The following KALRN variants were observed in gnomAD, a reference collection of about 807,000 sequenced individuals.
KALRN encodes the protein kalirin.
KALRN carries 70 observed loss-of-function variants against 353.7 expected under a neutral mutation model. The observed-to-expected ratio is 0.20, with a 90% CI of 0.16 to 0.24. The LOEUF (loss-of-function observed/expected upper bound fraction) is 0.24. KALRN is among the 10% of genes least tolerant of loss of function. KALRN has a pLI of 1.00. For synonymous variants in KALRN, 1,391 were observed against 1,434.8 expected, an observed-to-expected ratio of 0.97 and a Z score of 0.69; for missense variants, 2,791 against 3,756.7, an observed-to-expected ratio of 0.74 and a Z score of 6.72.
intron 10 of KALRN, among the ~76,000 whole-genome samples, chr3:124,357,265 T>C (rs998317675): frequency 1.7e-4 from 26 of 152,362 alleles, no homozygotes; most frequent in Non-Finnish European, 2.4e-4. Context: ...TTGCTTGGAA[T>C]ACTGCAATAT....
At chr3:124,607,816 G>T (rs2077508627) in intron 34 of KALRN, among the ~76,000 whole-genome samples, 1 of 151,866 alleles carries the variant, frequency 6.6e-6, no homozygotes, top group African/African-American at 2.4e-5. Flanking sequence ...CGTTGACCAG[G>T]CTGATCTCAA....
rs1439288201 is a variant in KALRN at position 124,223,619 on chromosome 3, C to T, written c.74-4371C>T. On this transcript the variant is annotated intron_variant, in intron 1 of 59. Coordinates refer to ENST00000682506, the MANE Select transcript of KALRN (RefSeq NM_001388419.1). ...TGAACCTCCAATGCTCTATAAACGCCCACTCTGTTGTTTGTTTCTTCACTT... is the reference window on the plus strand; with the variant it reads ...TGAACCTCCAATGCTCTATAAACGCTCACTCTGTTGTTTGTTTCTTCACTT... Among the ~76,000 whole-genome samples the T allele has an allele frequency of 7.2e-5, 11 of 152,184 alleles. No individual in the cohort carries two copies. In the East Asian group the frequency reaches 1.9e-3, roughly 27 times the overall value.
At chr3:124,242,371 G>A (rs1368280775) in intron 3 of KALRN, among the ~76,000 whole-genome samples, 2 of 152,224 alleles carry the variant, frequency 1.3e-5, no homozygotes, top group African/African-American at 4.8e-5. Context: ...GAGAGATGAA[G>A]TACTTGCCTA....
At position 124,269,077 on chromosome 3, in the gene KALRN, T is replaced by C. The variant is rs996749611; in HGVS notation, c.791T>C (p.Phe264Ser). The part of the protein sequence containing the change: ...LLQCIRCSDG[F>S]SGRNCIPGSA... ...CAGTGCATCCGCTGCAGCGACGGCT[T>C]CTCAGGACGCAACTGCATCCCGGGC... Residue 264 changes from phenylalanine (F) to serine (S), a missense_variant, in exon 5 of 60, where the codon TTC becomes TCC. This residue lies in a region of KALRN where 366 missense variants were observed against 489.2 expected (regional missense o/e 0.75). Transcript: ENST00000682506. 6.2e-7 allele frequency: 1 copy of C among 1,612,538 alleles called. No individual in the cohort carries two copies. Among genetic ancestry groups the C allele is most frequent in the African/African-American group, 1.3e-5 (1 of 74,906 alleles).
In KALRN at chr3:124,674,719, C is replaced by T. The variant is rs1005857232; in HGVS notation, c.7193+105C>T. The T allele has an allele frequency of 2.5e-6, 3 of 1,214,570 alleles. No individual in the cohort carries two copies. In the Admixed American group the frequency reaches 8.8e-5, roughly 35 times the overall value. 75.2% of individuals were successfully genotyped at this position (1,214,570 alleles called of 1,614,324 possible). ...GCAAACACATGGTAGGGAATTACTA[C>T]TGCTTATTCTCAACAGTACCACAGA... On this transcript the variant is annotated intron_variant, in intron 49 of 59. Coordinates refer to ENST00000682506, the MANE Select transcript of KALRN (RefSeq NM_001388419.1).
In KALRN at chr3:124,694,468, T is replaced by C; in HGVS notation, c.7542T>C (p.Thr2514=). 6.2e-7 allele frequency: 1 copy of C among 1,614,170 alleles called. No homozygotes were observed. Among genetic ancestry groups the C allele is most frequent in the Non-Finnish European group, 8.5e-7 (1 of 1,180,026 alleles). Reference sequence around the variant, plus strand: ...GTCCAGACCAGAACATCCTTGACACTGATAACAGCTCAGCCACATACACGG... The same window carrying C: ...GTCCAGACCAGAACATCCTTGACACCGATAACAGCTCAGCCACATACACGG... ...WKGPDQNILD[T]DNSSATYTVS... is the part of the protein sequence containing the mutation. The change falls in exon 53 of 60, where the codon ACT becomes ACC. Residue 2514 remains threonine (T), a synonymous_variant. Transcript: ENST00000682506.
At chr3:124,594,938 TTTC>T in intron 34 of KALRN, among the ~76,000 whole-genome samples, 1 of 152,184 alleles carries the variant, frequency 6.6e-6, no homozygotes, top group East Asian at 1.9e-4. Context: ...TCTTTCCTTT[TTTC>T]TTTTTCTTTC....
intron 37 of KALRN, among the ~76,000 whole-genome samples, chr3:124,638,372 C>G (rs1433470566): frequency 6.6e-6 from 1 of 151,508 alleles, no homozygotes; most frequent in Non-Finnish European, 1.5e-5. Flanking sequence ...TTTTCAGTAC[C>G]TAGTGTCAAA....
chr3:124,695,845 T>C (rs2062026587), intron 53 of KALRN, among the ~76,000 whole-genome samples: 1 of 152,132 alleles, frequency 6.6e-6, no homozygotes, highest in Non-Finnish European at 1.5e-5. Flanking sequence ...AGAACTTGCA[T>C]ACAACTTTAT....
chr3:124,469,532 T>C (rs2060681924), intron 25 of KALRN, among the ~76,000 whole-genome samples: 1 of 152,200 alleles, frequency 6.6e-6, no homozygotes, highest in Non-Finnish European at 1.5e-5. Flanking sequence ...ATCTGCCTGG[T>C]CATTAATGGA....
At chr3:124,472,220 G>T (rs1450244794) in intron 25 of KALRN, among the ~76,000 whole-genome samples, 1 of 152,110 alleles carries the variant, frequency 6.6e-6, no homozygotes, top group Non-Finnish European at 1.5e-5. Context: ...AATTATCATT[G>T]TTTACTTCAA....
At chr3:124,698,155 G>A (rs896797969) in intron 55 of KALRN, among the ~76,000 whole-genome samples, 1 of 152,108 alleles carries the variant, frequency 6.6e-6, no homozygotes, top group Admixed American at 6.6e-5. Context: ...TTTTAGTAGA[G>A]ACAGGGTCTC....
chr3:124,433,665 T>C (rs1056074930), intron 16 of KALRN, among the ~76,000 whole-genome samples: 1 of 151,534 alleles, frequency 6.6e-6, no homozygotes, highest in South Asian at 2.1e-4. Flanking sequence ...TCAAGGGATA[T>C]GTAAATAACA....
intron 33 of KALRN, among the ~76,000 whole-genome samples, chr3:124,516,709 C>T (rs2066616587): frequency 6.7e-6 from 1 of 148,938 alleles, no homozygotes; most frequent in South Asian, 2.1e-4. Context: ...CTAATCAGGA[C>T]AGCTGATGCC....
At chr3:124,673,914 T>G (rs962174354) in intron 48 of KALRN, among the ~76,000 whole-genome samples, 3 of 152,160 alleles carry the variant, frequency 2.0e-5, no homozygotes, top group African/African-American at 7.2e-5. Flanking sequence ...GCCAGCGCAC[T>G]TTCAAAAAGA....
At chr3:124,629,697 T>A (rs973697047) in intron 34 of KALRN, among the ~76,000 whole-genome samples, 1 of 152,248 alleles carries the variant, frequency 6.6e-6, no homozygotes, top group Non-Finnish European at 1.5e-5. Context: ...GAACTCTGCT[T>A]ACTTGTCAGC....
chr3:124,704,880 C>T (rs2062524064), intron 57 of KALRN, among the ~76,000 whole-genome samples: 2 of 152,298 alleles, frequency 1.3e-5, no homozygotes. Flanking sequence ...TAATGTGAGA[C>T]ACAGGAAAGA....
chr3:124,430,910 C>T, intron 16 of KALRN, 135 bp downstream of exon 16: 1 of 1,083,094 alleles, frequency 9.2e-7, no homozygotes, highest in South Asian at 1.8e-5. Flanking sequence ...TCCAGGGAGC[C>T]TTCCTCTTAC....
At chr3:124,191,726 A>G (rs1300122160) in intron 1 of KALRN, among the ~76,000 whole-genome samples, 1 of 152,108 alleles carries the variant, frequency 6.6e-6, no homozygotes, top group African/African-American at 2.4e-5. Context: ...TGGTAGTCTC[A>G]GGGTAGCCAG....
Sources: allele counts gnomAD v4.1 joint callset (sites outside exome capture counted in the v4.1 genomes callset), GRCh38; gene constraint gnomAD v4.1.1; regional missense constraint gnomAD v4.1.1; transcripts MANE v1.5; gene names NCBI Gene and HGNC (gene_info 2026-07-23, HGNC 2026-07-21).